The following FBXL17 variants were observed in gnomAD, a reference collection of about 807,000 sequenced individuals.
The protein encoded by FBXL17 is F-box and leucine rich repeat protein 17.
In FBXL17, 22 loss-of-function variants were observed where a neutral mutation model predicts 66.2. The ratio of observed to expected loss-of-function variants is 0.33; its 90% CI spans 0.24 to 0.47. FBXL17 has a LOEUF of 0.47. FBXL17 is among the 20% of genes least tolerant of loss of function. The pLI is 1.00. For synonymous variants in FBXL17, 474 were observed against 400.5 expected, an observed-to-expected ratio of 1.18 and a Z score of -2.19; for missense variants, 878 against 948.2, an observed-to-expected ratio of 0.93 and a Z score of 0.97.
rs946355528 is a variant in FBXL17, at chr5:107,861,731, C to A, written c.2095G>T (p.Ala699Ser). ...GCGAGGCAGGAGCGCTAGGAGGAGGCGGCAGACATGTTGGGGGTCCAGCCC... is the reference window on the plus strand; with the variant it reads ...GCGAGGCAGGAGCGCTAGGAGGAGGAGGCAGACATGTTGGGGGTCCAGCCC... ...QMGWTPNMSAASS is the reference protein window; with the variant it reads ...QMGWTPNMSASSS The change falls in exon 9 of 9, where the codon GCC becomes TCC. Residue 699 changes from alanine (A) to serine (S), a missense_variant. Transcript: ENST00000542267. The A allele has an allele frequency of 5.1e-6, 8 of 1,575,860 alleles. No individual in the cohort carries two copies. The highest frequency in any genetic ancestry group is 8.6e-7 in the Non-Finnish European group (1 of 1,158,104).
chr5:108,210,164 A>G (rs967251421), intron 5 of FBXL17, among the ~76,000 whole-genome samples: 1 of 151,958 alleles, frequency 6.6e-6, no homozygotes, highest in African/African-American at 2.4e-5. Context: ...GATATTCCCT[A>G]TATCATTTTT....
intron 4 of FBXL17, among the ~76,000 whole-genome samples, chr5:108,307,224 A>G (rs1223009103): frequency 6.6e-6 from 1 of 152,138 alleles, no homozygotes; most frequent in Non-Finnish European, 1.5e-5. Context: ...TAAAAAAGAG[A>G]AAAAGCTTTA....
chr5:107,928,438 G>C lies in FBXL17; in HGVS notation c.1823-47259C>G, dbSNP rs1047127470. 6.0e-5 allele frequency among the ~76,000 whole-genome samples: 9 copies of C among 151,020 alleles called. No individual in the cohort carries two copies. The East Asian group carries it at 1.2e-3, about 20-fold the overall frequency. On this transcript the variant is annotated intron_variant, in intron 7 of 8. Coordinates refer to ENST00000542267, the MANE Select transcript of FBXL17 (RefSeq NM_001163315.3). ...ATACTTTGTTTTTTTTTTTAAGTCA[G>C]CAAAGATGACCCCCACCCCAAATAC... is the stretch of plus-strand genomic sequence containing the variant.
intron 4 of FBXL17, among the ~76,000 whole-genome samples, chr5:108,331,354 G>C (rs1263820744): frequency 6.6e-6 from 1 of 152,144 alleles, no homozygotes; most frequent in Admixed American, 6.5e-5. Context: ...TCCATCTGTA[G>C]TGAAAGCAAA....
intron 4 of FBXL17, among the ~76,000 whole-genome samples, chr5:108,268,948 T>C (rs1168950587): frequency 6.6e-6 from 1 of 152,032 alleles, no homozygotes; most frequent in Non-Finnish European, 1.5e-5. Context: ...AAGACTCAAT[T>C]AGAGTTGAAT....
At chr5:107,991,883 C>T (rs2112694341) in intron 7 of FBXL17, among the ~76,000 whole-genome samples, 1 of 152,236 alleles carries the variant, frequency 6.6e-6, no homozygotes. Context: ...ATAAAACCCA[C>T]TTAAAAATAT....
chr5:107,961,835 A>G (rs1013994085), intron 7 of FBXL17, among the ~76,000 whole-genome samples: 8 of 152,184 alleles, frequency 5.3e-5, no homozygotes, highest in Non-Finnish European at 1.0e-4. Context: ...ATCATGGGAT[A>G]GGGTCTATGT....
chr5:107,936,551 A>ACCATTCTTTTGTC (rs1750913976), intron 7 of FBXL17, among the ~76,000 whole-genome samples: 2 of 104,922 alleles, frequency 1.9e-5, no homozygotes, highest in Admixed American at 2.2e-4. Context: ...AGATTTAACA[A>ACCATTCTTTTGTC]CTATTCTTGA....
intron 7 of FBXL17, among the ~76,000 whole-genome samples, chr5:107,928,857 A>C (rs1750626292): frequency 6.6e-6 from 1 of 152,184 alleles, no homozygotes. Flanking sequence ...TGCCCTTAAA[A>C]CAGAAGTTAT....
intron 7 of FBXL17, among the ~76,000 whole-genome samples, chr5:107,886,713 C>G (rs1265743916): frequency 6.6e-6 from 1 of 151,988 alleles, no homozygotes; most frequent in Non-Finnish European, 1.5e-5. Flanking sequence ...AAGTAAGTAT[C>G]CACAAGTCCA....
intron 6 of FBXL17, among the ~76,000 whole-genome samples, chr5:108,179,690 G>A (rs1269339956): frequency 1.3e-5 from 2 of 152,134 alleles, no homozygotes; most frequent in African/African-American, 2.4e-5. Flanking sequence ...TTGGAAGGCA[G>A]ACAATGAAAA....
intron 6 of FBXL17, among the ~76,000 whole-genome samples, chr5:108,052,235 G>C (rs564212787): frequency 3.3e-5 from 5 of 151,968 alleles, no homozygotes; most frequent in African/African-American, 4.8e-5. Flanking sequence ...AGAAATAAAG[G>C]GTATTCAAAT....
chr5:108,323,876 A>T (rs1386563604), intron 4 of FBXL17, among the ~76,000 whole-genome samples: 2 of 152,118 alleles, frequency 1.3e-5, no homozygotes, highest in Non-Finnish European at 2.9e-5. Context: ...GAAACTGGAT[A>T]TCTACATGCA....
intron 6 of FBXL17, among the ~76,000 whole-genome samples, chr5:108,096,806 A>G (rs1462248788): frequency 6.6e-6 from 1 of 152,182 alleles, no homozygotes; most frequent in Non-Finnish European, 1.5e-5. Context: ...GGCAGGCCTC[A>G]TAAGAATGGA....
chr5:108,237,122 C>G (rs1466679669), intron 4 of FBXL17, among the ~76,000 whole-genome samples: 1 of 152,138 alleles, frequency 6.6e-6, no homozygotes, highest in East Asian at 1.9e-4. Context: ...TCCACTGAGT[C>G]AACATTATCT....
At chr5:107,944,380 C>A (rs1751214326) in intron 7 of FBXL17, among the ~76,000 whole-genome samples, 1 of 152,102 alleles carries the variant, frequency 6.6e-6, no homozygotes, top group Admixed American at 6.6e-5. Context: ...TGTGTCTGCT[C>A]TCAGAATCAC....
At chr5:108,003,214 C>G (rs1580313303) in intron 7 of FBXL17, among the ~76,000 whole-genome samples, 1 of 152,274 alleles carries the variant, frequency 6.6e-6, no homozygotes, top group African/African-American at 2.4e-5. Flanking sequence ...GAATCAAAGT[C>G]ACAGGCCAAT....
At chr5:108,163,172 C>A (rs1017325026) in intron 6 of FBXL17, among the ~76,000 whole-genome samples, 1 of 152,060 alleles carries the variant, frequency 6.6e-6, no homozygotes, top group Non-Finnish European at 1.5e-5. Flanking sequence ...AAGACAGTTA[C>A]AACGAAAGAG....
In FBXL17 at chr5:108,122,100, G is replaced by C. The variant is rs1308622168; in HGVS notation, c.1745+64017C>G. Among the ~76,000 whole-genome samples, 5 of 151,710 alleles carry C rather than the reference G, an allele frequency of 3.3e-5. No individual in the cohort carries two copies. The South Asian group carries it at 1.0e-3, about 32-fold the overall frequency. ...AAGTTATAAACCACATTTTGAAAAG[G>C]GCTTATTATGTACCAGGTACTATAC... On this transcript the variant is annotated intron_variant, in intron 6 of 8. Transcript: ENST00000542267.
Sources: gnomAD v4.1 joint callset for allele counts (sites outside exome capture counted in the v4.1 genomes callset) on GRCh38, gnomAD v4.1.1 for gene constraint, MANE v1.5 for transcripts, NCBI Gene and HGNC (gene_info 2026-07-23, HGNC 2026-07-21) for gene names.